UNC5D: variants seen among roughly 807,000 people sequenced by gnomAD.
The protein encoded by UNC5D is netrin receptor UNC5D.
UNC5D carries 39 observed loss-of-function variants against 105.4 expected under a neutral mutation model. That is an observed-to-expected ratio of 0.37 (90% CI 0.29 to 0.48). The LOEUF (loss-of-function observed/expected upper bound fraction) is 0.48, where lower values mean the gene tolerates loss of function less well. UNC5D is among the 20% of genes least tolerant of loss of function. The pLI is 0.98. For synonymous variants in UNC5D, 452 were observed against 450.4 expected (o/e 1.00, Z -0.04); for missense variants, 991 against 1,202.4 (o/e 0.82, Z 2.60).
chr8:35,525,426 C>A (rs1052080899), intron 1 of UNC5D: 1 of 1,612,168 alleles, frequency 6.2e-7, no homozygotes, highest in African/African-American at 1.3e-5. Flanking sequence ...GAGCTGCTGG[C>A]CCTCTAGAGA....
intron 1 of UNC5D, among the ~76,000 whole-genome samples, chr8:35,499,698 C>T (rs1563476498): frequency 6.6e-6 from 1 of 152,094 alleles, no homozygotes; most frequent in Non-Finnish European, 1.5e-5. Context: ...AGGACAAGCT[C>T]CAGGAGCACT....
chr8:35,409,754 A>G (rs1805037571), intron 1 of UNC5D, among the ~76,000 whole-genome samples: 2 of 151,964 alleles, frequency 1.3e-5, no homozygotes, highest in South Asian at 4.1e-4. Context: ...TTGGTTTACC[A>G]AGTTTTTCCC....
At chr8:35,535,970 G>C (rs1814804151) in intron 1 of UNC5D, among the ~76,000 whole-genome samples, 1 of 152,122 alleles carries the variant, frequency 6.6e-6, no homozygotes, top group African/African-American at 2.4e-5. Context: ...TAAATATCTT[G>C]CCTAAGATCA....
At chr8:35,423,611 T>C in intron 1 of UNC5D, among the ~76,000 whole-genome samples, 1 of 152,180 alleles carries the variant, frequency 6.6e-6, no homozygotes, top group East Asian at 1.9e-4. Flanking sequence ...ACTAATACTG[T>C]TTTGGCAAGT....
chr8:35,634,554 G>C (rs1822237540), intron 4 of UNC5D, among the ~76,000 whole-genome samples: 1 of 152,090 alleles, frequency 6.6e-6, no homozygotes, highest in Non-Finnish European at 1.5e-5. Context: ...GATAGAATTA[G>C]GAGCATTTAG....
At chr8:35,454,348 T>A (rs995471697) in intron 1 of UNC5D, among the ~76,000 whole-genome samples, 2 of 152,070 alleles carry the variant, frequency 1.3e-5, no homozygotes, top group South Asian at 4.1e-4. Context: ...GGAATCAGAA[T>A]GAATATGCCA....
At position 35,731,035 on chromosome 8, in the gene UNC5D, G is replaced by A. The variant is rs765684409; in HGVS notation, c.1705G>A (p.Gly569Ser). 5.6e-6 allele frequency: 9 copies of A among 1,613,728 alleles called. No individual in the cohort carries two copies. Among genetic ancestry groups the A allele is most frequent in the Admixed American group, 1.7e-5 (1 of 59,978 alleles). ...AGGGGTGAGCTTACTCATACCACACGGTGCCATCCCAGAGGAGAATTCTTG... is the reference window on the plus strand; with the variant it reads ...AGGGGTGAGCTTACTCATACCACACAGTGCCATCCCAGAGGAGAATTCTTG... Reference protein sequence around the residue: ...NTGVSLLIPHGAIPEENSWEI... With the variant: ...NTGVSLLIPHSAIPEENSWEI... The change falls in exon 11 of 17, where the codon GGT becomes AGT. Residue 569 changes from glycine to serine, a missense_variant. Coordinates refer to ENST00000404895, the MANE Select transcript of UNC5D (RefSeq NM_080872.4).
intron 1 of UNC5D, among the ~76,000 whole-genome samples, chr8:35,386,401 T>C (rs10093094): frequency 6.6e-6 from 1 of 152,248 alleles, no homozygotes; most frequent in Non-Finnish European, 1.5e-5. Context: ...AATCAATCGG[T>C]TGACTTTCTA....
intron 1 of UNC5D, among the ~76,000 whole-genome samples, chr8:35,543,888 T>C (rs138268158): frequency 9.0e-4 from 137 of 152,328 alleles, no homozygotes; most frequent in African/African-American, 3.0e-3. Context: ...TGTGTGTTTT[T>C]ATACCATCTT....
At chr8:35,604,392 A>G (rs1194995349) in intron 4 of UNC5D, among the ~76,000 whole-genome samples, 1 of 152,218 alleles carries the variant, frequency 6.6e-6, no homozygotes, top group Non-Finnish European at 1.5e-5. Flanking sequence ...TCTGGCTTGT[A>G]GAGTTTCTGC....
chr8:35,499,236 G>C lies in UNC5D; in HGVS notation c.104-50056G>C, dbSNP rs892911989. Among the ~76,000 whole-genome samples, 11 of 152,356 alleles carry C rather than the reference G, an allele frequency of 7.2e-5. No individual in the cohort carries two copies. The East Asian group carries it at 1.7e-3, about 24-fold the overall frequency. ...TTACTATCCTCCTGCCAGTTTGCAA[G>C]TCCATGCATTAGCAAACATTTTAGA... is the stretch of plus-strand genomic sequence containing the variant. On this transcript the variant is annotated intron_variant, in intron 1 of 16. Transcript: ENST00000404895.
chr8:35,393,744 T>C (rs1309551773), intron 1 of UNC5D, among the ~76,000 whole-genome samples: 1 of 152,088 alleles, frequency 6.6e-6, no homozygotes, highest in Non-Finnish European at 1.5e-5. Flanking sequence ...CAGAGGAAAC[T>C]CCCTCCTCCC....
intron 4 of UNC5D, among the ~76,000 whole-genome samples, chr8:35,658,564 G>C (rs566586006): frequency 1.2e-3 from 181 of 150,932 alleles, no homozygotes; most frequent in Non-Finnish European, 2.1e-3. Context: ...GTTGCATGAT[G>C]ATAAAAAATC....
chr8:35,596,285 G>A (rs910015676), intron 4 of UNC5D, among the ~76,000 whole-genome samples: 4 of 151,956 alleles, frequency 2.6e-5, no homozygotes, highest in African/African-American at 7.3e-5. Context: ...CTTACTATTC[G>A]AATATAATTG....
At chr8:35,673,207 A>G (rs1398560167) in intron 4 of UNC5D, among the ~76,000 whole-genome samples, 1 of 152,228 alleles carries the variant, frequency 6.6e-6, no homozygotes, top group Non-Finnish European at 1.5e-5. Flanking sequence ...AAGGGGAAAC[A>G]TGATAGTACT....
At chr8:35,722,087 A>T in intron 8 of UNC5D, 123 bp from the exon 9 acceptor site, 3 of 1,069,354 alleles carry the variant, frequency 2.8e-6, no homozygotes, top group South Asian at 3.1e-5. Flanking sequence ...TGTTCACTGT[A>T]CATCTGTCAT....
chr8:35,454,119 C>G (rs1808337279), intron 1 of UNC5D, among the ~76,000 whole-genome samples: 1 of 152,148 alleles, frequency 6.6e-6, no homozygotes, highest in South Asian at 2.1e-4. Flanking sequence ...CAGACTTTCC[C>G]TCTTTTGCCT....
intron 4 of UNC5D, among the ~76,000 whole-genome samples, chr8:35,641,366 C>CAAAAAAAAAAAAAAAAAAAAGAA (rs377021599): frequency 1.4e-4 from 6 of 44,266 alleles, no homozygotes; most frequent in South Asian, 9.8e-4. Flanking sequence ...AAAAATAAAG[C>CAAAAAAAAAAAAAAAAAAAAGAA]AAAAAAAAAA....
At chr8:35,409,937 T>A (rs565751390) in intron 1 of UNC5D, among the ~76,000 whole-genome samples, 127 of 151,950 alleles carry the variant, frequency 8.4e-4, no homozygotes, top group Non-Finnish European at 1.6e-3. Context: ...CTTTTTTTTT[T>A]TTAAACATAG....
Sources: allele counts gnomAD v4.1 joint callset (sites outside exome capture counted in the v4.1 genomes callset), GRCh38; gene constraint gnomAD v4.1.1; transcripts MANE v1.5; gene names NCBI Gene and HGNC (gene_info 2026-07-23, HGNC 2026-07-21).